Variants in C1GALT1 observed in about 807,000 individuals in gnomAD.
C1GALT1 encodes the protein core 1 synthase, glycoprotein-N-acetylgalactosamine 3-beta-galactosyltransferase 1.
C1GALT1 carries 11 observed loss-of-function variants against 31.0 expected under a neutral mutation model. The ratio of observed to expected loss-of-function variants is 0.36; its 90% CI spans 0.22 to 0.59. The LOEUF is 0.59. Among genes scored for constraint, C1GALT1 ranks in the 20% least tolerant of loss-of-function variants. The probability of loss-of-function intolerance (pLI) is 0.79; values close to 1 mark genes in which losing one functional copy is unlikely to be tolerated. For missense variants in C1GALT1, 424 were observed against 425.2 expected, an observed-to-expected ratio of 1.00 and a Z score of 0.03; for synonymous variants, 175 against 143.6, an observed-to-expected ratio of 1.22 and a Z score of -1.56.
chr7:7,243,473 A>G, intron 3 of C1GALT1, 51 bp from the exon 4 acceptor site: 1 of 1,350,242 alleles, frequency 7.4e-7, no homozygotes, highest in Non-Finnish European at 1.0e-6. Flanking sequence ...TAAATATTGT[A>G]GCTAGCAATG....
chr7:7,235,198 C>A (rs544337000), intron 2 of C1GALT1: 1 of 152,270 alleles, frequency 6.6e-6, no homozygotes, highest in East Asian at 1.9e-4. Flanking sequence ...TAGCCCAGTT[C>A]CAGACATTGT....
intron 1 of C1GALT1, among the ~76,000 whole-genome samples, chr7:7,196,872 G>C (rs1306035381): frequency 1.3e-5 from 2 of 152,172 alleles, no homozygotes; most frequent in African/African-American, 2.4e-5. Context: ...CTTTTGAGAA[G>C]TACCTGTTCA....
intron 2 of C1GALT1, among the ~76,000 whole-genome samples, chr7:7,158,260 C>T (rs1256777403): frequency 1.3e-5 from 2 of 152,120 alleles, no homozygotes; most frequent in Admixed American, 6.6e-5. Context: ...TCTCTAGTCT[C>T]CAGTGATCTA....
chr7:7,187,074 AAGAC>A (rs1780848142), intron 1 of C1GALT1, among the ~76,000 whole-genome samples: 1 of 152,344 alleles, frequency 6.6e-6, no homozygotes, highest in African/African-American at 2.4e-5. Context: ...GAGTAGTTAA[AAGAC>A]AGAGAGGTTG....
intron 2 of C1GALT1, among the ~76,000 whole-genome samples, chr7:7,159,923 T>C (rs1480949385): frequency 6.6e-6 from 1 of 152,130 alleles, no homozygotes; most frequent in Non-Finnish European, 1.5e-5. Context: ...CCGAGCTTGG[T>C]AAACTGGAGC....
intron 2 of C1GALT1, among the ~76,000 whole-genome samples, chr7:7,175,666 C>A (rs1780498328): frequency 6.6e-6 from 1 of 152,142 alleles, no homozygotes; most frequent in Admixed American, 6.5e-5. Flanking sequence ...CTTCAGGTAG[C>A]CCCTTGTATT....
At chr7:7,236,907 A>G (rs1014324586) in intron 2 of C1GALT1, among the ~76,000 whole-genome samples, 1 of 152,128 alleles carries the variant, frequency 6.6e-6, no homozygotes, top group Non-Finnish European at 1.5e-5. Context: ...ATATGCCTCC[A>G]TTGTTAATTT....
At chr7:7,218,375 A>G (rs1429386708) in intron 1 of C1GALT1, among the ~76,000 whole-genome samples, 1 of 152,234 alleles carries the variant, frequency 6.6e-6, no homozygotes, top group Non-Finnish European at 1.5e-5. Flanking sequence ...GAAAAGTATT[A>G]TATTTTTAAG....
At chr7:7,200,690 C>T (rs564667520) in intron 1 of C1GALT1, among the ~76,000 whole-genome samples, 122 of 152,188 alleles carry the variant, frequency 8.0e-4, no homozygotes, top group African/African-American at 2.7e-3. Flanking sequence ...AGGCTTTGTT[C>T]GTTTCTTTTT....
intron 1 of C1GALT1, among the ~76,000 whole-genome samples, chr7:7,233,903 G>A (rs1783208704): frequency 1.3e-5 from 2 of 152,198 alleles, no homozygotes; most frequent in Admixed American, 1.3e-4. Context: ...TACAGAAAGG[G>A]TTTGCTAACT....
chr7:7,183,895 T>C (rs1317028420), intron 1 of C1GALT1, among the ~76,000 whole-genome samples: 3 of 152,216 alleles, frequency 2.0e-5, no homozygotes, highest in Non-Finnish European at 4.4e-5. Context: ...AATGAATCAA[T>C]GAATAATTGG....
intron 2 of C1GALT1, among the ~76,000 whole-genome samples, chr7:7,160,759 G>A (rs1294612278): frequency 6.6e-6 from 1 of 152,050 alleles, no homozygotes; most frequent in Non-Finnish European, 1.5e-5. Context: ...AGTAGCTGCA[G>A]GAATTTTATC....
intron 2 of C1GALT1, among the ~76,000 whole-genome samples, chr7:7,171,833 T>C (rs1424335151): frequency 6.6e-6 from 1 of 152,164 alleles, no homozygotes; most frequent in Non-Finnish European, 1.5e-5. Context: ...TGATACCAAC[T>C]TAACTTCAAA....
intron 1 of C1GALT1, among the ~76,000 whole-genome samples, chr7:7,197,878 A>G (rs1326355783): frequency 7.9e-5 from 12 of 152,186 alleles, no homozygotes; most frequent in Non-Finnish European, 1.8e-4. Context: ...TGATTTTTGC[A>G]CATTGATTTT....
At chr7:7,187,532 TA>T (rs1246541955) in intron 1 of C1GALT1, among the ~76,000 whole-genome samples, 17 of 152,334 alleles carry the variant, frequency 1.1e-4, no homozygotes, top group Admixed American at 5.9e-4. Flanking sequence ...TAGCAATGTC[TA>T]CAGACATTTT....
At chr7:7,218,836 A>G (rs893726249) in intron 1 of C1GALT1, among the ~76,000 whole-genome samples, 1 of 142,048 alleles carries the variant, frequency 7.0e-6, no homozygotes, top group Non-Finnish European at 1.5e-5. Flanking sequence ...CCGTGTTTCT[A>G]TTTTTTTTTT....
chr7:7,245,173 A>T lies in C1GALT1; in HGVS notation c.*1446A>T, dbSNP rs1783792283. 1.3e-5 allele frequency: 2 copies of T among 152,248 alleles called. No homozygotes were observed. The highest frequency in any genetic ancestry group is 4.8e-5 in the African/African-American group (2 of 41,460). 9.4% of individuals were successfully genotyped at this position (152,248 alleles called of 1,614,324 possible). ...TTACATTTCCCTCATGTTTATCATT[A>T]TGCCAATTTTACATGGCAGTCATGC... On this transcript the variant is annotated 3_prime_UTR_variant, in exon 4 of 4. Transcript: ENST00000436587.
intron 1 of C1GALT1, among the ~76,000 whole-genome samples, chr7:7,195,198 T>G (rs1781232573): frequency 6.6e-6 from 1 of 152,182 alleles, no homozygotes; most frequent in South Asian, 2.1e-4. Flanking sequence ...TGATCTTTGT[T>G]GTTTCTTCTT....
chr7:7,180,132 A>G (rs1360905486), upstream of C1GALT1, among the ~76,000 whole-genome samples: 4 of 152,374 alleles, frequency 2.6e-5, no homozygotes, highest in East Asian at 1.9e-4. Context: ...GAGTTTTGAC[A>G]TGCATTATTA....
Sources: gnomAD v4.1 joint callset for allele counts (sites outside exome capture counted in the v4.1 genomes callset) on GRCh38, gnomAD v4.1.1 for gene constraint, MANE v1.5 for transcripts, NCBI Gene and HGNC (gene_info 2026-07-23, HGNC 2026-07-21) for gene names.